SF3A1: variants seen among roughly 807,000 people sequenced by gnomAD.
SF3A1 encodes splicing factor 3a subunit 1, also known as SAP 114.
A neutral mutation model predicts 89.9 loss-of-function variants in SF3A1; 13 were observed. That is an observed-to-expected ratio of 0.14 (90% CI 0.09 to 0.23). SF3A1 has a LOEUF of 0.23. Among genes scored for constraint, SF3A1 ranks in the 10% least tolerant of loss-of-function variants. SF3A1 has a pLI of 1.00. For missense variants in SF3A1, 604 were observed against 1,022.1 expected (o/e 0.59, Z 5.58); for synonymous variants, 405 against 374.4 (o/e 1.08, Z -0.94).
intron 2 of SF3A1, among the ~76,000 whole-genome samples, chr22:30,350,428 G>T (rs1931557980): frequency 6.6e-6 from 1 of 152,152 alleles, no homozygotes; most frequent in South Asian, 2.1e-4. Flanking sequence ...GCTGCAGTGA[G>T]CTGTTATCAT....
chr22:30,349,262 C>T lies in SF3A1; in HGVS notation c.186-2743G>A, dbSNP rs1414506308. On this transcript the variant is annotated intron_variant, in intron 2 of 15. Transcript: ENST00000215793. ...ATTGGTCTCTTTGTTGCAATGTAAA[C>T]GATAAGTTCACAGATTTTATTTATT... is the stretch of plus-strand genomic sequence containing the variant. Among the ~76,000 whole-genome samples, 7 of 152,178 alleles carry T rather than the reference C, an allele frequency of 4.6e-5. 1 individual carries two copies. Among genetic ancestry groups the T allele is most frequent in the Admixed American group, 2.6e-4 (4 of 15,268 alleles).
chr22:30,337,126 G>C lies in SF3A1; in HGVS notation c.2006C>G (p.Pro669Arg). 6.2e-7 allele frequency: 1 copy of C among 1,613,974 alleles called. No homozygotes were observed. Among genetic ancestry groups the C allele is most frequent in the Non-Finnish European group, 8.5e-7 (1 of 1,179,884 alleles). The change falls in exon 13 of 16, where the codon CCT (proline) becomes CGT (arginine). Residue 669 changes from proline (P) to arginine (R), a missense_variant. By Grantham distance (103) the Pro-to-Arg change is moderately radical. Around this residue, in one of 9 missense-constraint regions of SF3A1, gnomAD observed 45 missense variants for 41.1 expected, o/e 1.09. Coordinates refer to ENST00000215793, the MANE Select transcript of SF3A1 (RefSeq NM_005877.6). ...TTCCATGGGAGGTGGGGGATGCACAGGGGGCATTGGGGCTGGAGCTGGGAC... is the reference window on the plus strand; with the variant it reads ...TTCCATGGGAGGTGGGGGATGCACACGGGGCATTGGGGCTGGAGCTGGGAC... ...APVPAPAPMPPVHPPPPMEDE... is the reference protein window; with the variant it reads ...APVPAPAPMPRVHPPPPMEDE...
intron 9 of SF3A1, among the ~76,000 whole-genome samples, chr22:30,339,631 C>T (rs944621843): frequency 5.3e-5 from 8 of 152,262 alleles, no homozygotes; most frequent in African/African-American, 1.9e-4. Context: ...TGGTGCGTGC[C>T]TGTAATCCCA....
chr22:30,356,281 C>A (rs1461648878), intron 1 of SF3A1, among the ~76,000 whole-genome samples: 1 of 152,054 alleles, frequency 6.6e-6, no homozygotes, highest in African/African-American at 2.4e-5. Context: ...GGGCAGACAC[C>A]GAAATAGATG....
chr22:30,353,716 T>C (rs928760691), intron 1 of SF3A1, among the ~76,000 whole-genome samples: 3 of 152,174 alleles, frequency 2.0e-5, no homozygotes, highest in Non-Finnish European at 4.4e-5. Context: ...GAATTTCTTT[T>C]TCGGGGAGCT....
At chr22:30,354,752 C>T (rs1931710273) in intron 1 of SF3A1, among the ~76,000 whole-genome samples, 1 of 152,198 alleles carries the variant, frequency 6.6e-6, no homozygotes, top group Non-Finnish European at 1.5e-5. Flanking sequence ...TCAGCTTCCA[C>T]ACTCGATGAT....
Position 30,337,838 on chromosome 22 carries a change from TG to T in SF3A1, c.1802del (p.Pro601GlnfsTer13). ...VSAVPVMPRPPMASVVRLPPG... is the reference protein window; with the variant it reads ...VSAVPVMPRPXMASVVRLPPG... The stretch of plus-strand genomic sequence containing the variant: ...GGGGCAGCCGGACCACAGATGCCAT[TG>T]GGGGCCGGGGCATGACGGGTACTGC... On this transcript the variant is annotated frameshift_variant, in exon 12 of 16. Transcript: ENST00000215793. LOFTEE classifies it high-confidence loss of function. 1 of 1,608,830 alleles carries T rather than the reference TG, an allele frequency of 6.2e-7. No individual in the cohort carries two copies. The highest frequency in any genetic ancestry group is 1.1e-5 in the South Asian group (1 of 89,260).
chr22:30,348,024 T>C (rs1031844187), intron 2 of SF3A1, among the ~76,000 whole-genome samples: 1 of 152,226 alleles, frequency 6.6e-6, no homozygotes, highest in Admixed American at 6.5e-5. Flanking sequence ...TTTTTACATT[T>C]TGTAGAGACG....
intron 2 of SF3A1, 27 bp downstream of exon 2, chr22:30,352,924 T>G: frequency 6.2e-7 from 1 of 1,613,260 alleles, no homozygotes; most frequent in Non-Finnish European, 8.5e-7. Flanking sequence ...GAAACCCACC[T>G]CTGACCCACC....
intron 2 of SF3A1, among the ~76,000 whole-genome samples, chr22:30,349,849 T>C (rs1379052767): frequency 1.3e-5 from 2 of 151,814 alleles, no homozygotes; most frequent in Admixed American, 6.6e-5. Flanking sequence ...CTCACTATAT[T>C]GCCTACACTG....
At chr22:30,345,232 A>G in intron 3 of SF3A1, 42 bp from the exon 4 acceptor site, 2 of 1,585,180 alleles carry the variant, frequency 1.3e-6, no homozygotes, top group Non-Finnish European at 1.7e-6. Flanking sequence ...CACAGGGGTG[A>G]ACAGGCTCCA....
intron 2 of SF3A1, among the ~76,000 whole-genome samples, chr22:30,349,523 C>G (rs1931522353): frequency 6.6e-6 from 1 of 152,212 alleles, no homozygotes; most frequent in African/African-American, 2.4e-5. Flanking sequence ...CTCAGGTGAT[C>G]TGCCCACCTC....
At chr22:30,353,690 C>T (rs1931670070) in intron 1 of SF3A1, among the ~76,000 whole-genome samples, 1 of 152,154 alleles carries the variant, frequency 6.6e-6, no homozygotes, top group East Asian at 1.9e-4. Context: ...GAGTTGTAAG[C>T]CCTTTAAAGG....
At chr22:30,351,248 G>T (rs890057619) in intron 2 of SF3A1, among the ~76,000 whole-genome samples, 1 of 151,702 alleles carries the variant, frequency 6.6e-6, no homozygotes, top group African/African-American at 2.4e-5. Context: ...GCAGTGAGTT[G>T]AGACTGCACC....
intron 2 of SF3A1, among the ~76,000 whole-genome samples, chr22:30,347,600 T>A (rs1931458815): frequency 6.6e-6 from 1 of 152,186 alleles, no homozygotes; most frequent in Non-Finnish European, 1.5e-5. Context: ...GGAACCCTGA[T>A]TTTTAAAATG....
intron 1 of SF3A1, among the ~76,000 whole-genome samples, chr22:30,355,002 C>A (rs1269546608): frequency 6.6e-6 from 1 of 152,112 alleles, no homozygotes; most frequent in Non-Finnish European, 1.5e-5. Context: ...ACTCTTATAA[C>A]CTTTAGAAGA....
In SF3A1 at chr22:30,332,201, T is replaced by G. The variant is rs927488965; in HGVS notation, c.*2393A>C. 6.6e-6 allele frequency: 1 copy of G among 152,164 alleles called. No individual in the cohort carries two copies. Among genetic ancestry groups the G allele is most frequent in the African/African-American group, 2.4e-5 (1 of 41,430 alleles). The allele number at this position is 152,164 out of a possible 1,614,324, so 9.4% of individuals were successfully genotyped here. A position where few individuals can be genotyped will look rare whatever the true frequency, so the allele number is the denominator to read the frequency against. ...ATTTAATATATTCTCTAATACAATA[T>G]TATTAATTTTAAAGTAAAATGGTTC... On this transcript the variant is annotated 3_prime_UTR_variant, in exon 16 of 16. Transcript: ENST00000215793.
At chr22:30,340,155 T>A in intron 9 of SF3A1, 41 bp downstream of exon 9, 1 of 1,425,616 alleles carries the variant, frequency 7.0e-7, no homozygotes, top group Non-Finnish European at 9.2e-7. Flanking sequence ...ATGGCTGTAA[T>A]TCGGAGACTA....
At chr22:30,352,826 T>C in intron 2 of SF3A1, 125 bp downstream of exon 2, 1 of 1,152,334 alleles carries the variant, frequency 8.7e-7, no homozygotes, top group Non-Finnish European at 1.2e-6. Flanking sequence ...AGTGCCATGT[T>C]GTGGTTTTTT....
Sources: allele counts gnomAD v4.1 joint callset (sites outside exome capture counted in the v4.1 genomes callset), GRCh38; gene constraint gnomAD v4.1.1; regional missense constraint gnomAD v4.1.1; transcripts MANE v1.5; gene names NCBI Gene and HGNC (gene_info 2026-07-23, HGNC 2026-07-21).